The following DNMBP variants were observed in gnomAD, a reference collection of about 807,000 sequenced individuals.
The protein encoded by DNMBP is dynamin binding protein.
In DNMBP, 87 loss-of-function variants were observed where a neutral mutation model predicts 150.0. The observed-to-expected ratio is 0.58, with a 90% CI of 0.49 to 0.69. DNMBP has a LOEUF of 0.69. Among genes scored for constraint, DNMBP ranks in the 30% least tolerant of loss-of-function variants. DNMBP has a pLI of 0.00. For synonymous variants in DNMBP, 711 were observed against 750.4 expected, an observed-to-expected ratio of 0.95 and a Z score of 0.86; for missense variants, 1,774 against 1,949.0, an observed-to-expected ratio of 0.91 and a Z score of 1.69.
At chr10:99,889,158 C>T (rs2039519273) in intron 11 of DNMBP, 2 of 526,496 alleles carry the variant, frequency 3.8e-6, no homozygotes, top group South Asian at 2.6e-5. Flanking sequence ...ACTTTTAATT[C>T]TTAACAAAAC....
intron 4 of DNMBP, among the ~76,000 whole-genome samples, 163 bp downstream of exon 4, chr10:99,955,050 CA>C (rs11445505): frequency 7.4e-6 from 1 of 135,274 alleles, no homozygotes; most frequent in Non-Finnish European, 1.6e-5. Flanking sequence ...GAGACTGTCT[CA>C]AAAAAAAGGA....
intron 4 of DNMBP, among the ~76,000 whole-genome samples, chr10:99,923,348 T>C (rs574821920): frequency 3.3e-5 from 5 of 152,106 alleles, no homozygotes; most frequent in Admixed American, 3.3e-4. Context: ...ATCACACCAC[T>C]GTACTGCAGC....
intron 1 of DNMBP, among the ~76,000 whole-genome samples, chr10:99,980,265 C>T (rs1265458148): frequency 1.3e-5 from 2 of 151,838 alleles, no homozygotes; most frequent in African/African-American, 2.4e-5. Context: ...GCCAACGTGG[C>T]GAAACCCTAT....
Position 99,877,320 on chromosome 10 carries a change from T to C in DNMBP, c.4565A>G (p.Tyr1522Cys), listed in dbSNP as rs2039291994. ...AEGNQVYFAV[Y>C]TFKARNPNEL... ...ATTTGGGTTTCGTGCCTTGAAGGTG[T>C]AGACAGCAAAATAGACCTGTGTGAG... is the stretch of plus-strand genomic sequence containing the variant. Residue 1522 changes from tyrosine (Y) to cysteine (C), a missense_variant, in exon 17 of 17, where the codon TAC becomes TGC. By Grantham distance (194) the Tyr-to-Cys change is radical (BLOSUM62 -2). Around this residue, in one of 2 missense-constraint regions of DNMBP, gnomAD observed 1,430 missense variants for 1,492.5 expected, o/e 0.96. Coordinates refer to ENST00000324109, the MANE Select transcript of DNMBP (RefSeq NM_015221.4). The C allele has an allele frequency of 3.1e-6, 5 of 1,612,684 alleles. No individual in the cohort carries two copies. The highest frequency in any genetic ancestry group is 1.7e-5 in the Admixed American group (1 of 59,800).
At chr10:99,893,889 C>A (rs76201720) in intron 11 of DNMBP, among the ~76,000 whole-genome samples, 1 of 152,086 alleles carries the variant, frequency 6.6e-6, no homozygotes, top group South Asian at 2.1e-4. Flanking sequence ...CAGAAGGTGA[C>A]AAGGTAGGAG....
chr10:99,896,504 G>T, intron 9 of DNMBP, 107 bp from the exon 10 acceptor site: 1 of 1,055,714 alleles, frequency 9.5e-7, no homozygotes, highest in Non-Finnish European at 1.5e-6. Context: ...TCTTCAATGA[G>T]CTTATAACAA....
chr10:99,921,690 C>T (rs910123676), intron 4 of DNMBP, among the ~76,000 whole-genome samples: 7 of 99,154 alleles, frequency 7.1e-5, no homozygotes, highest in Non-Finnish European at 9.8e-5. Flanking sequence ...TCTGTCTCTA[C>T]TGAAAAAAAA....
chr10:99,938,795 G>A (rs1253163102), intron 4 of DNMBP, among the ~76,000 whole-genome samples: 4 of 152,188 alleles, frequency 2.6e-5, no homozygotes, highest in Non-Finnish European at 5.9e-5. Context: ...AGGAAAGAGG[G>A]AGGATGACTT....
At chr10:99,892,859 A>AAGTTTAAACTC (rs1328744546) in intron 11 of DNMBP, among the ~76,000 whole-genome samples, 3 of 152,286 alleles carry the variant, frequency 2.0e-5, no homozygotes, top group Admixed American at 2.0e-4. Flanking sequence ...CATAAAATGC[A>AAGTTTAAACTC]AGTTTAAACT....
chr10:99,907,500 T>G (rs1226377925), intron 6 of DNMBP, among the ~76,000 whole-genome samples: 2 of 151,494 alleles, frequency 1.3e-5, no homozygotes, highest in Non-Finnish European at 1.5e-5. Flanking sequence ...CCTCCTAGAC[T>G]CAAGCAATCC....
chr10:99,985,576 T>C (rs1196255280), intron 1 of DNMBP, among the ~76,000 whole-genome samples: 1 of 152,122 alleles, frequency 6.6e-6, no homozygotes, highest in Non-Finnish European at 1.5e-5. Context: ...AGCATCCTTA[T>C]GTCTTGGAAC....
chr10:99,883,219 A>G, intron 15 of DNMBP, among the ~76,000 whole-genome samples: 1 of 152,058 alleles, frequency 6.6e-6, no homozygotes, highest in East Asian at 1.9e-4. Context: ...TTGTACACTT[A>G]CTTAAATTCT....
intron 1 of DNMBP, among the ~76,000 whole-genome samples, chr10:99,973,932 G>A (rs1206432962): frequency 6.6e-6 from 1 of 152,146 alleles, no homozygotes; most frequent in Non-Finnish European, 1.5e-5. Context: ...AGTGAGCCGA[G>A]ATCATGCCAT....
intron 4 of DNMBP, among the ~76,000 whole-genome samples, chr10:99,926,133 C>T (rs1293849984): frequency 1.3e-5 from 2 of 152,146 alleles, no homozygotes; most frequent in African/African-American, 2.4e-5. Flanking sequence ...AACACCAGGT[C>T]CCCTTCTCAT....
intron 4 of DNMBP, among the ~76,000 whole-genome samples, chr10:99,916,965 T>TA (rs1302422059): frequency 2.0e-5 from 3 of 152,016 alleles, no homozygotes; most frequent in Non-Finnish European, 4.4e-5. Context: ...CACGCCACTG[T>TA]ACTCCAGCCT....
rs150670127 is a variant in DNMBP, at chr10:99,914,803, T to C, written c.2261-5657A>G. Among the ~76,000 whole-genome samples the C allele has an allele frequency of 5.1e-3, 775 of 151,998 alleles. 5 individuals carry two copies. Among genetic ancestry groups the C allele is most frequent in the Middle Eastern group, 0.01 (3 of 294 alleles). ...CCATACATATTTCTATATAAACATA[T>C]AGGCTGGGCGCAGTGGCTCACGTGA... On this transcript the variant is annotated intron_variant, in intron 4 of 16. Transcript: ENST00000324109.
intron 4 of DNMBP, among the ~76,000 whole-genome samples, chr10:99,919,805 T>A (rs2133264373): frequency 1.3e-5 from 2 of 152,310 alleles, no homozygotes; most frequent in Admixed American, 1.3e-4. Flanking sequence ...GGCAAGGATA[T>A]GGAAAGCTGA....
At chr10:99,944,558 C>CTGG (rs2040336894) in intron 4 of DNMBP, among the ~76,000 whole-genome samples, 1 of 152,172 alleles carries the variant, frequency 6.6e-6, no homozygotes, top group African/African-American at 2.4e-5. Flanking sequence ...ACTCATTTGA[C>CTGG]TGGAAGCTCC....
At position 99,955,572 on chromosome 10, in the gene DNMBP, T is replaced by G. The variant is rs368220902; in HGVS notation, c.1902A>C (p.Ala634=). ...HLLVDQNLKP[A]PPLVVRPSRP... ...GAGAGGGTCGCACCACCAAGGGTGG[T>G]GCAGGTTTTAGGTTCTGGTCAACCA... The change falls in exon 4 of 17, where the codon GCA becomes GCC. Residue 634 remains alanine (A), a synonymous_variant. Transcript: ENST00000324109. 1.2e-6 allele frequency: 2 copies of G among 1,610,134 alleles called. No individual in the cohort carries two copies. Among genetic ancestry groups the G allele is most frequent in the South Asian group, 1.1e-5 (1 of 90,612 alleles).
Sources: allele counts gnomAD v4.1 joint callset (sites outside exome capture counted in the v4.1 genomes callset), GRCh38; gene constraint gnomAD v4.1.1; regional missense constraint gnomAD v4.1.1; transcripts MANE v1.5; gene names NCBI Gene and HGNC (gene_info 2026-07-23, HGNC 2026-07-21).